RAB2A: variants seen among roughly 807,000 people sequenced by gnomAD.
The protein encoded by RAB2A is RAB2A, member RAS oncogene family, also known as ras-related protein Rab-2A.
RAB2A carries 7 observed loss-of-function variants against 32.5 expected under a neutral mutation model. The ratio of observed to expected loss-of-function variants is 0.22; its 90% CI spans 0.12 to 0.40. The LOEUF (loss-of-function observed/expected upper bound fraction) is 0.40. Ranked by LOEUF, RAB2A falls within the 10% of genes least tolerant of loss-of-function variation. The pLI is 1.00. For missense variants in RAB2A, 108 were observed against 260.7 expected (o/e 0.41, Z 4.03); for synonymous variants, 79 against 85.2 (o/e 0.93, Z 0.40).
intron 1 of RAB2A, among the ~76,000 whole-genome samples, chr8:60,521,475 T>C (rs986340025): frequency 4.6e-5 from 7 of 152,208 alleles, no homozygotes; most frequent in African/African-American, 1.7e-4. Flanking sequence ...ATGAAAATAA[T>C]TATTAATAAG....
At chr8:60,541,339 GA>G (rs1807642637) in intron 1 of RAB2A, among the ~76,000 whole-genome samples, 1 of 152,166 alleles carries the variant, frequency 6.6e-6, no homozygotes, top group Non-Finnish European at 1.5e-5. Flanking sequence ...ATGTGATCCT[GA>G]GACAACAAAA....
At chr8:60,557,189 A>G (rs1011169073) in intron 1 of RAB2A, among the ~76,000 whole-genome samples, 4 of 152,150 alleles carry the variant, frequency 2.6e-5, no homozygotes, top group Non-Finnish European at 5.9e-5. Context: ...TTGAAATTCC[A>G]GTTTCTTTTC....
At chr8:60,613,981 T>C (rs1402147534) in intron 6 of RAB2A, among the ~76,000 whole-genome samples, 1 of 152,198 alleles carries the variant, frequency 6.6e-6, no homozygotes, top group African/African-American at 2.4e-5. Context: ...GTTCAAGATA[T>C]TTAAACTGTC....
chr8:60,623,352 CA>C lies in RAB2A; in HGVS notation c.*2585del. 1 of 152,126 alleles carries C rather than the reference CA, an allele frequency of 6.6e-6. No individual in the cohort carries two copies. 9.4% of individuals were successfully genotyped at this position (152,126 alleles called of 1,614,324 possible). ...GATATAAATCGTACCAAAATGTTTC[CA>C]ATCACTCAGAAAAACTGATTCATGT... is the stretch of plus-strand genomic sequence containing the variant. On this transcript the variant is annotated 3_prime_UTR_variant, in exon 8 of 8. Coordinates refer to ENST00000262646, the MANE Select transcript of RAB2A (RefSeq NM_002865.3).
At chr8:60,569,934 C>A (rs1279172366) in intron 2 of RAB2A, 1 of 455,836 alleles carries the variant, frequency 2.2e-6, no homozygotes, top group Non-Finnish European at 4.4e-6. Flanking sequence ...AAGTTGGAAA[C>A]TTGGTCTTGG....
intron 1 of RAB2A, among the ~76,000 whole-genome samples, chr8:60,519,507 A>G (rs1440406364): frequency 6.6e-6 from 1 of 152,128 alleles, no homozygotes; most frequent in Non-Finnish European, 1.5e-5. Context: ...CAGTCAACAT[A>G]TATTAAGCTC....
intron 5 of RAB2A, among the ~76,000 whole-genome samples, chr8:60,585,956 T>C (rs1396358415): frequency 6.6e-6 from 1 of 152,162 alleles, no homozygotes; most frequent in African/African-American, 2.4e-5. Flanking sequence ...CTGCAGTCTT[T>C]GAAAATGTGT....
intron 1 of RAB2A, among the ~76,000 whole-genome samples, chr8:60,529,189 C>G (rs1372235961): frequency 2.0e-5 from 3 of 151,696 alleles, no homozygotes; most frequent in Admixed American, 6.6e-5. Context: ...TGTACTGATT[C>G]TTCAGTGTGT....
intron 4 of RAB2A, among the ~76,000 whole-genome samples, 193 bp downstream of exon 4, chr8:60,584,483 C>T (rs548183862): frequency 6.6e-6 from 1 of 152,276 alleles, no homozygotes; most frequent in South Asian, 2.1e-4. Flanking sequence ...GAATTAGCAC[C>T]TTCAAATTGA....
At chr8:60,547,438 G>A (rs79062237) in intron 1 of RAB2A, among the ~76,000 whole-genome samples, 126 of 152,084 alleles carry the variant, frequency 8.3e-4, no homozygotes, top group Non-Finnish European at 1.5e-3. Flanking sequence ...GGTGGTGGCC[G>A]GGCAGAGGGG....
rs534670455 is a variant in RAB2A, at chr8:60,545,694, G to A, written c.47-13158G>A. Among the ~76,000 whole-genome samples the A allele has an allele frequency of 7.2e-5, 11 of 152,306 alleles. 2 individuals carry two copies. The South Asian group carries it at 2.3e-3, about 32-fold the overall frequency. On this transcript the variant is annotated intron_variant, in intron 1 of 7. Coordinates refer to ENST00000262646, the MANE Select transcript of RAB2A (RefSeq NM_002865.3). The stretch of plus-strand genomic sequence containing the variant: ...TGAGGGACAGTGACTCCGACCCTGA[G>A]TAAAGGAAGAAGGTAAGGTATTGGT...
chr8:60,523,278 C>T (rs1161197785), intron 1 of RAB2A, among the ~76,000 whole-genome samples: 24 of 151,972 alleles, frequency 1.6e-4, no homozygotes, highest in Admixed American at 1.6e-3. Context: ...CTGCCTCAGC[C>T]TCCCGAATAG....
At chr8:60,574,026 T>C (rs1471761666) in intron 3 of RAB2A, among the ~76,000 whole-genome samples, 1 of 152,254 alleles carries the variant, frequency 6.6e-6, no homozygotes, top group Admixed American at 6.5e-5. Flanking sequence ...GTAACACACA[T>C]CTTTGCATTG....
intron 6 of RAB2A, among the ~76,000 whole-genome samples, chr8:60,595,916 A>T (rs1804014647): frequency 6.6e-6 from 1 of 152,262 alleles, no homozygotes; most frequent in Admixed American, 6.5e-5. Flanking sequence ...ACTAGAAATC[A>T]GTTTAACAGA....
intron 5 of RAB2A, among the ~76,000 whole-genome samples, chr8:60,589,657 C>T (rs1803909402): frequency 6.6e-6 from 1 of 152,024 alleles, no homozygotes; most frequent in Non-Finnish European, 1.5e-5. Context: ...ACTTAAGTAA[C>T]CTAAGCAACT....
intron 6 of RAB2A, among the ~76,000 whole-genome samples, chr8:60,598,603 C>T (rs1354530711): frequency 6.6e-6 from 1 of 152,038 alleles, no homozygotes; most frequent in African/African-American, 2.4e-5. Context: ...GGATGCAAGG[C>T]TTGCTCTGTA....
chr8:60,586,025 G>A (rs1189937939), intron 5 of RAB2A, among the ~76,000 whole-genome samples: 1 of 152,148 alleles, frequency 6.6e-6, no homozygotes, highest in Non-Finnish European at 1.5e-5. Context: ...CTAGGGCCAG[G>A]TACAGTGGCT....
chr8:60,595,612 T>C (rs977923956), intron 6 of RAB2A, among the ~76,000 whole-genome samples: 3 of 152,090 alleles, frequency 2.0e-5, no homozygotes, highest in African/African-American at 7.2e-5. Context: ...TCACATAAAC[T>C]TAAGGGCAGA....
chr8:60,542,867 C>T (rs1807668712), intron 1 of RAB2A, among the ~76,000 whole-genome samples: 2 of 152,158 alleles, frequency 1.3e-5, no homozygotes, highest in Non-Finnish European at 2.9e-5. Flanking sequence ...AAAGCCACAT[C>T]CTCTTGGGAA....
Sources: allele counts gnomAD v4.1 joint callset (sites outside exome capture counted in the v4.1 genomes callset), GRCh38; gene constraint gnomAD v4.1.1; transcripts MANE v1.5; gene names NCBI Gene and HGNC (gene_info 2026-07-23, HGNC 2026-07-21).